SLC9D1: variants seen among roughly 807,000 people sequenced by gnomAD.
SLC9D1 encodes solute carrier family 9 member D1, also known as putative LAG1-interacting protein.
the SLC9D1 span, among the ~76,000 whole-genome samples, chr13:113,507,848 T>C: frequency 2.0e-5 from 3 of 152,390 alleles, no homozygotes; most frequent in South Asian, 6.2e-4. Flanking sequence ...CGTGTGTGCC[T>C]ACCCTGCGGC....
chr13:113,500,098 G>C, the SLC9D1 span: 1 of 1,585,420 alleles, frequency 6.3e-7, no homozygotes, highest in Non-Finnish European at 8.6e-7. Context: ...AGTATATTTT[G>C]ACCAAGCCCA....
the SLC9D1 span, among the ~76,000 whole-genome samples, chr13:113,538,204 G>A: frequency 1.4e-5 from 2 of 143,142 alleles, no homozygotes; most frequent in East Asian, 2.0e-4. Context: ...CGTGTGTGTG[G>A]CATGTGTGCA....
the SLC9D1 span, chr13:113,549,678 T>C: frequency 1.0e-6 from 1 of 992,610 alleles, no homozygotes; most frequent in African/African-American, 1.6e-5. Flanking sequence ...AGTCGTGTTA[T>C]CCCGGCTTTT....
chr13:113,510,403 A>G, the SLC9D1 span: 1 of 1,613,150 alleles, frequency 6.2e-7, no homozygotes, highest in Non-Finnish European at 8.5e-7. Context: ...CCTCATGGGC[A>G]GTGCTCGGGG....
At chr13:113,503,464 CAATTAT>C in the SLC9D1 span, 1 of 1,533,612 alleles carries the variant, frequency 6.5e-7, no homozygotes, top group South Asian at 1.1e-5. Context: ...TAAACATGTA[CAATTAT>C]ATGGTTTTTC....
At chr13:113,536,875 G>A in the SLC9D1 span, among the ~76,000 whole-genome samples, 8 of 152,214 alleles carry the variant, frequency 5.3e-5, no homozygotes, top group Admixed American at 1.3e-4. Flanking sequence ...GAGCTCAGCC[G>A]TAGCCATGAC....
At chr13:113,527,389 T>C in the SLC9D1 span, 4 of 152,214 alleles carry the variant, frequency 2.6e-5, no homozygotes, top group Non-Finnish European at 5.9e-5. Flanking sequence ...TCTAAGTTTT[T>C]CTTCGTCTGG....
chr13:113,546,497 C>CTGGGT, the SLC9D1 span, among the ~76,000 whole-genome samples: 1 of 152,150 alleles, frequency 6.6e-6, no homozygotes, highest in African/African-American at 2.4e-5. This position sits in a 1 kb window ranked among gnomAD's most constrained non-coding sequence, Gnocchi z 7.1. Context: ...CAAGAGAACC[C>CTGGGT]CGGGTCGTGG....
chr13:113,505,046 C>T, the SLC9D1 span: 1 of 152,148 alleles, frequency 6.6e-6, no homozygotes, highest in Non-Finnish European at 1.5e-5. Context: ...TTGCATTTTC[C>T]TGATCATTAG....
chr13:113,494,784 C>T, the SLC9D1 span, among the ~76,000 whole-genome samples: 2 of 152,110 alleles, frequency 1.3e-5, no homozygotes, highest in Non-Finnish European at 2.9e-5. Context: ...CAGAAGATTT[C>T]GTTTCTGGAG....
At chr13:113,509,921 G>C in the SLC9D1 span, among the ~76,000 whole-genome samples, 1 of 152,190 alleles carries the variant, frequency 6.6e-6, no homozygotes, top group Non-Finnish European at 1.5e-5. Context: ...CTTAACCTGT[G>C]TGTGCCTCGG....
the SLC9D1 span, among the ~76,000 whole-genome samples, chr13:113,524,807 G>C: frequency 5.3e-5 from 8 of 151,804 alleles, no homozygotes; most frequent in Non-Finnish European, 1.0e-4. Context: ...AGAACATATT[G>C]TTGGATGATT....
chr13:113,521,003 G>A, the SLC9D1 span, among the ~76,000 whole-genome samples: 3 of 152,110 alleles, frequency 2.0e-5, no homozygotes, highest in African/African-American at 4.8e-5. Flanking sequence ...GTAGTCAGGA[G>A]GAATGAATGA....
chr13:113,506,595 T>C, the SLC9D1 span, among the ~76,000 whole-genome samples: 27,838 of 151,390 alleles, frequency 0.18, 3,392 homozygotes, highest in African/African-American at 0.35. Context: ...TAGAGAGGTT[T>C]GCAGCAAAGG....
the SLC9D1 span, chr13:113,495,927 G>C: frequency 1.9e-6 from 3 of 1,614,020 alleles, no homozygotes; most frequent in Non-Finnish European, 2.5e-6. Flanking sequence ...AGCTGTCTAC[G>C]GACTGCAGAG....
the SLC9D1 span, among the ~76,000 whole-genome samples, chr13:113,507,742 G>A: frequency 5.3e-5 from 8 of 152,248 alleles, no homozygotes; most frequent in Admixed American, 3.3e-4. Context: ...GTTTGCTTCT[G>A]TCTTGTATCT....
the SLC9D1 span, among the ~76,000 whole-genome samples, chr13:113,516,930 C>A: frequency 6.6e-6 from 1 of 152,182 alleles, no homozygotes; most frequent in South Asian, 2.1e-4. Context: ...CATTCTTAAC[C>A]TCGGAGCAAG....
chr13:113,547,032 C>T, the SLC9D1 span: 1 of 460,198 alleles, frequency 2.2e-6, no homozygotes. Context: ...GTGTGTTTTG[C>T]TGTGTCCTCT....
the SLC9D1 span, among the ~76,000 whole-genome samples, chr13:113,533,408 T>A: frequency 6.6e-6 from 1 of 152,188 alleles, no homozygotes; most frequent in Non-Finnish European, 1.5e-5. Flanking sequence ...GAATCATAGG[T>A]TTCCTCCACC....
Sources: allele counts gnomAD v4.1 joint callset (sites outside exome capture counted in the v4.1 genomes callset), GRCh38; gene constraint gnomAD v4.1.1; non-coding constraint Gnocchi (gnomAD v3.1); transcripts MANE v1.5; gene names NCBI Gene and HGNC (gene_info 2026-07-23, HGNC 2026-07-21).